Variants in PHLDB2 observed in about 807,000 individuals in gnomAD.
The protein encoded by PHLDB2 is pleckstrin homology-like domain family B member 2.
In PHLDB2, 71 loss-of-function variants were observed where a neutral mutation model predicts 123.6. The ratio of observed to expected loss-of-function variants is 0.57; its 90% confidence interval spans 0.47 to 0.70. The LOEUF (loss-of-function observed/expected upper bound fraction) is 0.70, where lower values mean the gene tolerates loss of function less well. Among genes scored for constraint, PHLDB2 ranks in the 30% least tolerant of loss-of-function variants. The pLI, the probability that PHLDB2 is intolerant of heterozygous loss-of-function variation, is 0.00. For synonymous variants in PHLDB2, 547 were observed against 541.6 expected, an observed-to-expected ratio of 1.01 and a Z score of -0.14; for missense variants, 1,446 against 1,519.5, an observed-to-expected ratio of 0.95 and a Z score of 0.80.
chr3:111,808,494 T>C (rs1435747899), intron 1 of PHLDB2, among the ~76,000 whole-genome samples: 2 of 62,320 alleles, frequency 3.2e-5, no homozygotes, highest in East Asian at 1.5e-3. Flanking sequence ...TATTCTGGGT[T>C]TTTTTTTTTT....
chr3:111,853,013 C>T (rs1182056757), intron 2 of PHLDB2, among the ~76,000 whole-genome samples: 2 of 151,788 alleles, frequency 1.3e-5, no homozygotes, highest in African/African-American at 4.8e-5. Flanking sequence ...CTTTTTATGC[C>T]CCTAGGAGGT....
At chr3:111,780,399 A>AAGAGGAAG (rs2060406415) in intron 1 of PHLDB2, among the ~76,000 whole-genome samples, 1 of 74,364 alleles carries the variant, frequency 1.3e-5, no homozygotes, top group African/African-American at 4.7e-5. Context: ...AAGAAGAAGA[A>AAGAGGAAG]GAAGAAGAAG....
At chr3:111,746,263 A>G (rs2107944579) in intron 1 of PHLDB2, among the ~76,000 whole-genome samples, 1 of 152,298 alleles carries the variant, frequency 6.6e-6, no homozygotes, top group East Asian at 1.9e-4. Context: ...CTGAGAGAAC[A>G]CAGAAAGTCT....
rs200394410 is a variant in PHLDB2, at chr3:111,913,298, C to A, written c.1336-21C>A. 149 of 1,547,976 alleles carry A rather than the reference C, an allele frequency of 9.6e-5. No individual in the cohort carries two copies. The East Asian group carries it at 1.9e-3, about 20-fold the overall frequency. ...TCATTCTCACAAACCCACTGACCTC[C>A]CCCTCCTCCCTGTGTTCCAGGAGAG... On this transcript the variant is annotated intron_variant, in intron 2 of 17. Coordinates refer to ENST00000431670, the MANE Select transcript of PHLDB2 (RefSeq NM_001134438.2).
chr3:111,755,277 G>T (rs1266037865), intron 1 of PHLDB2, among the ~76,000 whole-genome samples: 1 of 134,930 alleles, frequency 7.4e-6, no homozygotes, highest in Admixed American at 7.5e-5. Flanking sequence ...AATCCATCTG[G>T]TCCCGGACTC....
intron 1 of PHLDB2, among the ~76,000 whole-genome samples, chr3:111,780,670 T>G (rs1222981753): frequency 1.3e-5 from 2 of 152,062 alleles, no homozygotes; most frequent in Non-Finnish European, 2.9e-5. Flanking sequence ...AAAGCACATT[T>G]AGAATTCTAA....
chr3:111,824,804 C>T (rs1257560705), intron 1 of PHLDB2, among the ~76,000 whole-genome samples: 14 of 152,168 alleles, frequency 9.2e-5, no homozygotes, highest in African/African-American at 2.2e-4. Flanking sequence ...TTCTAACAGA[C>T]GCAAACTTCG....
intron 1 of PHLDB2, among the ~76,000 whole-genome samples, chr3:111,745,235 G>A (rs2059662915): frequency 6.6e-6 from 1 of 152,180 alleles, no homozygotes; most frequent in South Asian, 2.1e-4. Flanking sequence ...GGAAAATTAT[G>A]TTGAAGCTTT....
chr3:111,786,819 G>C (rs1048526715), intron 1 of PHLDB2, among the ~76,000 whole-genome samples: 10 of 152,100 alleles, frequency 6.6e-5, no homozygotes, highest in African/African-American at 1.9e-4. Flanking sequence ...ATAATTCTAT[G>C]TTTAATAAAT....
rs755514961 is a variant in PHLDB2 at position 111,885,239 on chromosome 3, G to A, written c.1162G>A (p.Val388Met). The change falls in exon 2 of 18, where the codon GTG becomes ATG. Residue 388 changes from valine (V) to methionine (M), a missense_variant. Coordinates refer to ENST00000431670, the MANE Select transcript of PHLDB2 (RefSeq NM_001134438.2). ...CAGGAGGAACTTCTCTTGTGGATCTGTGGAATTTGATGAGGCAGATTTGGA... is the reference window on the plus strand; with the variant it reads ...CAGGAGGAACTTCTCTTGTGGATCTATGGAATTTGATGAGGCAGATTTGGA... ...ATRRNFSCGS[V>M]EFDEADLESL... 3 of 1,614,156 alleles carry A rather than the reference G, an allele frequency of 1.9e-6. No individual in the cohort carries two copies. The highest frequency in any genetic ancestry group is 2.5e-6 in the Non-Finnish European group (3 of 1,180,038).
At chr3:111,859,698 A>G (rs926037629) in intron 1 of PHLDB2, 122 bp downstream of exon 1, 5 of 982,114 alleles carry the variant, frequency 5.1e-6, no homozygotes, top group Middle Eastern at 5.2e-4. Context: ...TGCGCTGCGG[A>G]GGGTTGGGGG....
At chr3:111,861,232 T>G (rs1422686362) in intron 1 of PHLDB2, among the ~76,000 whole-genome samples, 1 of 152,246 alleles carries the variant, frequency 6.6e-6, no homozygotes, top group Non-Finnish European at 1.5e-5. Context: ...AATATTTGTT[T>G]GAATAAAGAG....
Position 111,963,445 on chromosome 3 carries a change from A to C in PHLDB2, c.3077+1133A>C, listed in dbSNP as rs972512237. On this transcript the variant is annotated intron_variant, in intron 13 of 17. Transcript: ENST00000431670. ...TAAGCCAGTTTAATAATTTTAGCAG[A>C]ATGGAGATTGTATGCAGAATTAACT... Among the ~76,000 whole-genome samples, 4 of 152,172 alleles carry C rather than the reference A, an allele frequency of 2.6e-5. No homozygotes were observed. The East Asian group carries it at 7.7e-4, about 29-fold the overall frequency.
intron 1 of PHLDB2, among the ~76,000 whole-genome samples, chr3:111,838,268 TG>T (rs1305990964): frequency 2.0e-5 from 3 of 152,204 alleles, no homozygotes; most frequent in African/African-American, 7.2e-5. Flanking sequence ...CCTGATCGGC[TG>T]GGACTATAGG....
intron 1 of PHLDB2, among the ~76,000 whole-genome samples, chr3:111,739,534 G>A (rs1269992481): frequency 7.0e-6 from 1 of 142,912 alleles, no homozygotes; most frequent in Non-Finnish European, 1.5e-5. Flanking sequence ...ATAAACAAAA[G>A]GCAGAGAGTG....
chr3:111,806,917 T>A (rs1432039588), intron 1 of PHLDB2, among the ~76,000 whole-genome samples: 1 of 151,984 alleles, frequency 6.6e-6, no homozygotes, highest in Non-Finnish European at 1.5e-5. Flanking sequence ...ATTACAAGCA[T>A]AAGCCACCAT....
chr3:111,967,441 C>T (rs867440064), intron 14 of PHLDB2, among the ~76,000 whole-genome samples: 4 of 152,160 alleles, frequency 2.6e-5, no homozygotes, highest in African/African-American at 9.7e-5. Context: ...GCTGGATTTT[C>T]ACTGAAGACC....
chr3:111,854,192 C>T (rs1467663033), intron 2 of PHLDB2, among the ~76,000 whole-genome samples: 2 of 152,166 alleles, frequency 1.3e-5, no homozygotes, highest in Non-Finnish European at 2.9e-5. Flanking sequence ...CTCATGAGAA[C>T]TCACTATCAT....
At chr3:111,845,966 A>G in intron 2 of PHLDB2, 2 of 1,599,216 alleles carry the variant, frequency 1.3e-6, no homozygotes, top group Non-Finnish European at 1.7e-6. Flanking sequence ...GGTTTTCAGT[A>G]CATATTTACA....
Sources: allele counts gnomAD v4.1 joint callset (sites outside exome capture counted in the v4.1 genomes callset), GRCh38; gene constraint gnomAD v4.1.1; transcripts MANE v1.5; gene names NCBI Gene and HGNC (gene_info 2026-07-23, HGNC 2026-07-21).